The following SFXN1 variants were observed in gnomAD, a reference collection of about 807,000 sequenced individuals.
The protein encoded by SFXN1 is sideroflexin 1.
A neutral mutation model predicts 39.5 loss-of-function variants in SFXN1; 32 were observed. The observed-to-expected ratio is 0.81, with a 90% CI of 0.61 to 1.09. SFXN1 has a LOEUF of 1.09. SFXN1 is among the 50% of genes least tolerant of loss of function. The probability of loss-of-function intolerance (pLI) is 0.00; values close to 1 mark genes in which losing one functional copy is unlikely to be tolerated. For missense variants in SFXN1, 402 were observed against 407.1 expected (o/e 0.99, Z 0.11); for synonymous variants, 136 against 146.5 (o/e 0.93, Z 0.52).
intron 2 of SFXN1, among the ~76,000 whole-genome samples, chr5:175,506,441 T>C (rs1019249544): frequency 6.6e-6 from 1 of 152,232 alleles, no homozygotes; most frequent in Non-Finnish European, 1.5e-5. Flanking sequence ...AGCCAAAGTT[T>C]TAATGTTGTA....
intron 2 of SFXN1, among the ~76,000 whole-genome samples, chr5:175,504,580 A>C (rs1196681351): frequency 6.6e-6 from 1 of 152,126 alleles, no homozygotes; most frequent in African/African-American, 2.4e-5. Flanking sequence ...TCTCAAAAAA[A>C]AAAAAAAGAA....
chr5:175,512,631 G>T (rs17065173), intron 6 of SFXN1, among the ~76,000 whole-genome samples: 14,093 of 152,050 alleles, frequency 0.093, 654 homozygotes, highest in Admixed American at 0.12. Context: ...AAGTATTGTT[G>T]TAGAACTGGC....
chr5:175,522,649 C>CA (rs1760918030), intron 10 of SFXN1: 2 of 462,898 alleles, frequency 4.3e-6, no homozygotes, highest in Admixed American at 3.9e-5. Flanking sequence ...TTTGAAAATG[C>CA]TTTATTCTTT....
intron 2 of SFXN1, among the ~76,000 whole-genome samples, chr5:175,492,926 T>G (rs1759713057): frequency 6.6e-6 from 1 of 152,230 alleles, no homozygotes; most frequent in Admixed American, 6.5e-5. Flanking sequence ...AGTTTTTATT[T>G]GTGTTTTTTT....
chr5:175,490,065 G>C (rs1401616483), intron 1 of SFXN1, among the ~76,000 whole-genome samples: 1 of 152,162 alleles, frequency 6.6e-6, no homozygotes. Flanking sequence ...AGATGGACTT[G>C]CAATGTTGTG....
chr5:175,486,881 T>A (rs552141489), intron 1 of SFXN1, among the ~76,000 whole-genome samples: 1 of 152,200 alleles, frequency 6.6e-6, no homozygotes, highest in South Asian at 2.1e-4. Context: ...AGGGATAGTT[T>A]GTTATTAGGA....
intron 10 of SFXN1, 53 bp from the exon 11 acceptor site, chr5:175,526,585 C>T: frequency 6.8e-7 from 1 of 1,472,984 alleles, no homozygotes; most frequent in South Asian, 1.1e-5. Context: ...TTTCTAGGTC[C>T]TGATTCTCAC....
intron 7 of SFXN1, 76 bp downstream of exon 7, chr5:175,513,666 A>C: frequency 6.7e-7 from 1 of 1,495,162 alleles, no homozygotes; most frequent in Non-Finnish European, 9.2e-7. Flanking sequence ...CAGAAAACAA[A>C]CACATATATC....
intron 2 of SFXN1, 75 bp from the exon 3 acceptor site, chr5:175,508,957 T>C (rs1760411801): frequency 7.0e-7 from 1 of 1,425,990 alleles, no homozygotes; most frequent in South Asian, 1.4e-5. Context: ...TTTAAAACCT[T>C]GTAGCCACTT....
chr5:175,492,075 G>A lies in SFXN1; in HGVS notation c.-9-20G>A, dbSNP rs1262870656. Reference sequence around the variant, plus strand: ...GACATTGTAAGCCTTACACGAACTTGCCTTTTTGACTCTTTGCAGTCCGGG... The same window carrying A: ...GACATTGTAAGCCTTACACGAACTTACCTTTTTGACTCTTTGCAGTCCGGG... On this transcript the variant is annotated intron_variant, in intron 1 of 10. Transcript: ENST00000321442. The A allele has an allele frequency of 6.3e-7, 1 of 1,586,908 alleles. No homozygotes were observed. Among genetic ancestry groups the A allele is most frequent in the African/African-American group, 1.4e-5 (1 of 73,560 alleles).
chr5:175,510,019 TC>T, intron 3 of SFXN1, 89 bp from the exon 4 acceptor site: 1 of 1,007,294 alleles, frequency 9.9e-7, no homozygotes, highest in South Asian at 1.4e-5. Flanking sequence ...CCAGTACGTC[TC>T]CTCTCTGGTT....
chr5:175,480,171 G>A (rs939971976), intron 1 of SFXN1, among the ~76,000 whole-genome samples: 15 of 152,202 alleles, frequency 9.9e-5, no homozygotes, highest in Admixed American at 6.5e-5. Context: ...GGTGGCCGAG[G>A]CGGGCGGATC....
intron 2 of SFXN1, among the ~76,000 whole-genome samples, chr5:175,508,798 C>T (rs961302799): frequency 9.2e-5 from 14 of 151,946 alleles, no homozygotes; most frequent in East Asian, 5.8e-4. Flanking sequence ...CCACCGCACC[C>T]GGCTAATTTT....
chr5:175,497,683 C>A (rs1759905975), intron 2 of SFXN1, among the ~76,000 whole-genome samples: 1 of 152,106 alleles, frequency 6.6e-6, no homozygotes, highest in African/African-American at 2.4e-5. Flanking sequence ...AATCCCAGCA[C>A]TTTTTGAGGC....
At chr5:175,485,808 T>A (rs73805553) in intron 1 of SFXN1, among the ~76,000 whole-genome samples, 1,555 of 152,316 alleles carry the variant, frequency 0.01, 26 homozygotes, top group African/African-American at 0.036. Context: ...GATAAGTAGT[T>A]GGCGTCAAGA....
chr5:175,521,279 A>G (rs965781118), intron 8 of SFXN1, among the ~76,000 whole-genome samples: 5 of 152,120 alleles, frequency 3.3e-5, no homozygotes, highest in Non-Finnish European at 7.4e-5. Context: ...GTGACTAGCA[A>G]AAATGTTTTA....
chr5:175,504,293 G>A (rs780746639), intron 2 of SFXN1, among the ~76,000 whole-genome samples: 20 of 151,894 alleles, frequency 1.3e-4, no homozygotes, highest in East Asian at 1.9e-4. Flanking sequence ...GAGAATACTC[G>A]GCCAGGCGAG....
At position 175,501,648 on chromosome 5, in the gene SFXN1, T is replaced by C. The variant is rs1469783002; in HGVS notation, c.165-7384T>C. On this transcript the variant is annotated intron_variant, in intron 2 of 10. Coordinates refer to ENST00000321442, the MANE Select transcript of SFXN1 (RefSeq NM_022754.7). ...CATCCAGTAATTACCCAACCCAATT[T>C]TTTTAAATGGACAAAAGATTTGAGT... Among the ~76,000 whole-genome samples, 4 of 152,308 alleles carry C rather than the reference T, an allele frequency of 2.6e-5. No homozygotes were observed. The South Asian group carries it at 8.3e-4, about 32-fold the overall frequency.
Position 175,513,537 on chromosome 5 carries a change from A to G in SFXN1, c.671A>G (p.Gln224Arg). The G allele has an allele frequency of 1.2e-6, 2 of 1,614,004 alleles. No homozygotes were observed. Among genetic ancestry groups the G allele is most frequent in the Non-Finnish European group, 1.7e-6 (2 of 1,179,968 alleles). Residue 224 changes from glutamine to arginine, a missense_variant, in exon 7 of 11, where the codon CAA becomes CGA. Gln to Arg is a conservative substitution (Grantham distance 43). Coordinates refer to ENST00000321442, the MANE Select transcript of SFXN1 (RefSeq NM_022754.7). ...GGGGAGTCGGCGAACGCTGCGAAAC[A>G]AGCCATCACGCAAGTTGTCGTGTCC... ...RLGESANAAK[Q>R]AITQVVVSRI...
Sources: gnomAD v4.1 joint callset for allele counts (sites outside exome capture counted in the v4.1 genomes callset) on GRCh38, gnomAD v4.1.1 for gene constraint, MANE v1.5 for transcripts, NCBI Gene and HGNC (gene_info 2026-07-23, HGNC 2026-07-21) for gene names.